Variants in RIMBP2 observed in about 807,000 individuals in gnomAD.
RIMBP2 encodes RIMS binding protein 2, also known as RIMS-binding protein 2.
RIMBP2 carries 48 observed loss-of-function variants against 118.6 expected under a neutral mutation model. That is an observed-to-expected ratio of 0.40 (90% confidence interval 0.32 to 0.51). RIMBP2 has a LOEUF of 0.51. RIMBP2 is among the 20% of genes least tolerant of loss of function. The pLI, the probability that RIMBP2 is intolerant of heterozygous loss-of-function variation, is 0.41. For synonymous variants in RIMBP2, 762 were observed against 742.9 expected, an observed-to-expected ratio of 1.03 and a Z score of -0.42; for missense variants, 1,551 against 1,768.3, an observed-to-expected ratio of 0.88 and a Z score of 2.20.
At chr12:130,404,105 TGAA>T (rs2074917726) in intron 21 of RIMBP2, among the ~76,000 whole-genome samples, 1 of 152,128 alleles carries the variant, frequency 6.6e-6, no homozygotes, top group African/African-American at 2.4e-5. Flanking sequence ...TAAATATTGG[TGAA>T]GAGGAGGCAA....
chr12:130,446,017 GCTC>G lies in RIMBP2; in HGVS notation c.582-751_582-749del, dbSNP rs1199444046. Among the ~76,000 whole-genome samples, 10 of 37,608 alleles carry G rather than the reference GCTC, an allele frequency of 2.7e-4. No homozygotes were observed. The highest frequency in any genetic ancestry group is 1.4e-3 in the Non-Finnish European group (9 of 6,500). The allele number at this position is 37,608 out of a possible 152,430, so 24.7% of individuals were successfully genotyped here. A position where few individuals can be genotyped will look rare whatever the true frequency, so the allele number is the denominator to read the frequency against. ...CAGAAAAACAGACGCATGATTTTAT[GCTC>G]CCCCCCCCCACACCCCCAGGAATAT... On this transcript the variant is annotated intron_variant, in intron 9 of 22. Coordinates refer to ENST00000690449, the MANE Select transcript of RIMBP2 (RefSeq NM_001393629.1). This position sits in a 1 kb window ranked among gnomAD's most constrained non-coding sequence, Gnocchi z 4.1.
intron 6 of RIMBP2, among the ~76,000 whole-genome samples, chr12:130,457,966 C>T (rs1566074841): frequency 6.6e-6 from 1 of 152,168 alleles, no homozygotes; most frequent in Admixed American, 6.5e-5. Context: ...ACGACACTGA[C>T]GTTTCCCCCA....
At chr12:130,678,664 C>T (rs1262840242) in intron 1 of RIMBP2, among the ~76,000 whole-genome samples, 1 of 152,148 alleles carries the variant, frequency 6.6e-6, no homozygotes, top group Non-Finnish European at 1.5e-5. Flanking sequence ...ACTACAGGCA[C>T]GCGCCACCAT....
At chr12:130,643,447 A>C (rs1229310045) in intron 1 of RIMBP2, among the ~76,000 whole-genome samples, 1 of 152,220 alleles carries the variant, frequency 6.6e-6, no homozygotes, top group Non-Finnish European at 1.5e-5. Context: ...CGGTCCCTAC[A>C]GAAATCACTG....
chr12:130,634,381 G>T (rs1280864053), intron 1 of RIMBP2, among the ~76,000 whole-genome samples: 2 of 152,108 alleles, frequency 1.3e-5, no homozygotes, highest in Non-Finnish European at 2.9e-5. Flanking sequence ...GAGTCCTCAG[G>T]TTTAATGTTT....
At chr12:130,541,076 G>A (rs1225881089) in intron 2 of RIMBP2, among the ~76,000 whole-genome samples, 1 of 152,108 alleles carries the variant, frequency 6.6e-6, no homozygotes, top group Non-Finnish European at 1.5e-5. Flanking sequence ...AGGAGTGATA[G>A]CCCTGCTCCA....
intron 14 of RIMBP2, chr12:130,429,161 C>T (rs1332710857): frequency 6.6e-6 from 1 of 152,332 alleles, no homozygotes; most frequent in Admixed American, 6.5e-5. Flanking sequence ...AACACACACG[C>T]GCAGACACTG....
chr12:130,474,148 GC>G (rs1176602706), intron 5 of RIMBP2, among the ~76,000 whole-genome samples: 1 of 152,190 alleles, frequency 6.6e-6, no homozygotes, highest in Non-Finnish European at 1.5e-5. Flanking sequence ...TGGAGAGGAA[GC>G]CTCAGGGTTT....
chr12:130,437,347 C>T, intron 12 of RIMBP2, 56 bp from the exon 13 acceptor site: 1 of 1,431,988 alleles, frequency 7.0e-7, no homozygotes, highest in Admixed American at 2.0e-5. Context: ...CGCGGTCCTG[C>T]AATGGGGAGC....
At chr12:130,556,691 C>T (rs1037001957) in intron 2 of RIMBP2, among the ~76,000 whole-genome samples, 1 of 152,226 alleles carries the variant, frequency 6.6e-6, no homozygotes, top group Non-Finnish European at 1.5e-5. Context: ...TCCCCACCTT[C>T]TCGCCTGCTA....
intron 2 of RIMBP2, among the ~76,000 whole-genome samples, chr12:130,558,759 G>A (rs1047166151): frequency 2.6e-5 from 4 of 152,218 alleles, no homozygotes; most frequent in African/African-American, 9.6e-5. Context: ...TGAAAAGGGT[G>A]ATGATGACCT....
At chr12:130,631,161 G>A (rs1371344395) in intron 1 of RIMBP2, among the ~76,000 whole-genome samples, 1 of 152,100 alleles carries the variant, frequency 6.6e-6, no homozygotes, top group African/African-American at 2.4e-5. Flanking sequence ...AGAAAGAACG[G>A]GAGAAGAGTT....
In RIMBP2 at chr12:130,584,216, A is replaced by C. The variant is rs1396302471; in HGVS notation, c.-217+44106T>G. Among the ~76,000 whole-genome samples, 4 of 120,324 alleles carry C rather than the reference A, an allele frequency of 3.3e-5. No individual in the cohort carries two copies. In the East Asian group the frequency reaches 8.7e-4, roughly 26 times the overall value. 78.9% of individuals were successfully genotyped at this position (120,324 alleles called of 152,430 possible). ...ACCACCTTATCACCACCATCACCTC[A>C]CCACCACCATCACTTCACCACCACC... On this transcript the variant is annotated intron_variant, in intron 2 of 22. Coordinates refer to ENST00000690449, the MANE Select transcript of RIMBP2 (RefSeq NM_001393629.1).
intron 1 of RIMBP2, among the ~76,000 whole-genome samples, chr12:130,709,910 G>T (rs1458144441): frequency 6.6e-6 from 1 of 152,150 alleles, no homozygotes; most frequent in Non-Finnish European, 1.5e-5. Flanking sequence ...TGGGCAGGAG[G>T]GAGGCAGGGG....
At position 130,438,828 on chromosome 12, in the gene RIMBP2, G is replaced by A. The variant is rs375258767; in HGVS notation, c.1505-312C>T. Among the ~76,000 whole-genome samples, 4 of 152,034 alleles carry A rather than the reference G, an allele frequency of 2.6e-5. No homozygotes were observed. In the East Asian group the frequency reaches 5.8e-4, roughly 22 times the overall value. On this transcript the variant is annotated intron_variant, in intron 11 of 22. Transcript: ENST00000690449. Reference sequence around the variant, plus strand: ...TACCTGTCCTCAGTCTCTGTGACCCGGCAGAGCTACCTCTGTCCAGGGGTC... The same window carrying A: ...TACCTGTCCTCAGTCTCTGTGACCCAGCAGAGCTACCTCTGTCCAGGGGTC...
chr12:130,438,954 T>A (rs1184298001), intron 11 of RIMBP2, among the ~76,000 whole-genome samples: 1 of 151,910 alleles, frequency 6.6e-6, no homozygotes, highest in African/African-American at 2.4e-5. Flanking sequence ...CAGAAGGCAA[T>A]CCCCTCATCC....
chr12:130,551,440 A>T (rs2055771439), intron 2 of RIMBP2, among the ~76,000 whole-genome samples: 2 of 152,242 alleles, frequency 1.3e-5, no homozygotes, highest in Admixed American at 1.3e-4. Context: ...AGGCACTCAG[A>T]TGTTGCATGA....
At chr12:130,550,661 C>A (rs977746530) in intron 2 of RIMBP2, among the ~76,000 whole-genome samples, 10 of 152,202 alleles carry the variant, frequency 6.6e-5, no homozygotes, top group African/African-American at 2.2e-4. Context: ...CTATAAAATG[C>A]CATGTCATTA....
chr12:130,594,254 C>T (rs1331172700), intron 2 of RIMBP2, among the ~76,000 whole-genome samples: 2 of 152,224 alleles, frequency 1.3e-5, no homozygotes, highest in African/African-American at 2.4e-5. Context: ...AGACTGTTCA[C>T]CATCAGAAAG....
Sources: allele counts gnomAD v4.1 joint callset (sites outside exome capture counted in the v4.1 genomes callset), GRCh38; gene constraint gnomAD v4.1.1; non-coding constraint Gnocchi (gnomAD v3.1); transcripts MANE v1.5; gene names NCBI Gene and HGNC (gene_info 2026-07-23, HGNC 2026-07-21).